The following UBAP2 variants were observed in gnomAD, a reference collection of about 807,000 sequenced individuals.
The protein encoded by UBAP2 is ubiquitin associated protein 2.
A neutral mutation model predicts 139.6 loss-of-function variants in UBAP2; 75 were observed. The observed-to-expected ratio is 0.54, with a 90% CI of 0.45 to 0.65. The LOEUF is 0.65. Among genes scored for constraint, UBAP2 ranks in the 30% least tolerant of loss-of-function variants. The probability of loss-of-function intolerance (pLI) is 0.00; values close to 1 mark genes in which losing one functional copy is unlikely to be tolerated. For missense variants in UBAP2, 1,368 were observed against 1,369.6 expected (o/e 1.00, Z 0.02); for synonymous variants, 526 against 526.2 (o/e 1.00, Z 0.01).
At chr9:34,048,135 G>A (rs887501682) in intron 1 of UBAP2, among the ~76,000 whole-genome samples, 2 of 152,178 alleles carry the variant, frequency 1.3e-5, no homozygotes, top group East Asian at 3.9e-4. Context: ...GCAAACAACT[G>A]AGTTGTAATG....
At chr9:33,971,296 A>C (rs993557661) in intron 8 of UBAP2, among the ~76,000 whole-genome samples, 1 of 152,212 alleles carries the variant, frequency 6.6e-6, no homozygotes, top group Non-Finnish European at 1.5e-5. Flanking sequence ...TGGCCAAAGA[A>C]TCCACCATTA....
At chr9:33,969,805 G>A (rs1197781252) in intron 8 of UBAP2, among the ~76,000 whole-genome samples, 2 of 149,968 alleles carry the variant, frequency 1.3e-5, no homozygotes, top group African/African-American at 4.9e-5. Context: ...GGTGGAGGTT[G>A]CAGTGAGCCA....
intron 13 of UBAP2, among the ~76,000 whole-genome samples, chr9:33,944,941 TTTA>T (rs1825541483): frequency 6.6e-6 from 1 of 152,076 alleles, no homozygotes; most frequent in African/African-American, 2.4e-5. Context: ...GAATCATACT[TTTA>T]TTATTTTATG....
chr9:33,955,658 C>G (rs996817369), intron 11 of UBAP2, among the ~76,000 whole-genome samples: 1 of 151,820 alleles, frequency 6.6e-6, no homozygotes, highest in African/African-American at 2.4e-5. Context: ...GAAAAACTGT[C>G]TCTACTAAAA....
chr9:33,923,330 G>C (rs951927597), intron 25 of UBAP2, 37 bp from the exon 26 acceptor site: 4 of 1,613,924 alleles, frequency 2.5e-6, no homozygotes, highest in Non-Finnish European at 3.4e-6. Flanking sequence ...GTGTGAGCCA[G>C]GCAAGCCTGT....
intron 1 of UBAP2, among the ~76,000 whole-genome samples, chr9:34,030,595 G>C (rs373366366): frequency 6.6e-6 from 1 of 151,622 alleles, no homozygotes; most frequent in South Asian, 2.1e-4. Context: ...TGCACTCCTA[G>C]TACAGTGCCC....
chr9:34,002,964 A>AGGCATAAACCACAGT (rs1190831446), intron 2 of UBAP2, among the ~76,000 whole-genome samples: 3 of 152,188 alleles, frequency 2.0e-5, no homozygotes, highest in African/African-American at 7.2e-5. Context: ...CTAGGATTAC[A>AGGCATAAACCACAGT]GGCATAAACC....
intron 4 of UBAP2, among the ~76,000 whole-genome samples, chr9:33,993,897 T>TA (rs139592812): frequency 7.4e-5 from 1 of 13,424 alleles, no homozygotes; most frequent in African/African-American, 1.2e-4. Context: ...CTTTGCTTTC[T>TA]TTTTTTTTTT....
intron 16 of UBAP2, among the ~76,000 whole-genome samples, chr9:33,940,177 G>A (rs1241176802): frequency 6.6e-6 from 1 of 152,066 alleles, no homozygotes; most frequent in Non-Finnish European, 1.5e-5. Context: ...GATTTAATAT[G>A]GGAACCACCA....
chr9:34,024,809 C>CG (rs1825269764), intron 1 of UBAP2, among the ~76,000 whole-genome samples: 1 of 152,010 alleles, frequency 6.6e-6, no homozygotes, highest in Admixed American at 6.6e-5. Context: ...CATGGCGAAA[C>CG]CCTGTCTCTA....
At chr9:33,946,231 T>C (rs1413410553) in intron 13 of UBAP2, among the ~76,000 whole-genome samples, 6 of 152,218 alleles carry the variant, frequency 3.9e-5, no homozygotes, top group Non-Finnish European at 5.9e-5. Context: ...TTTACTCTTT[T>C]TATATTAAGG....
intron 6 of UBAP2, among the ~76,000 whole-genome samples, chr9:33,980,115 C>T (rs1329340451): frequency 3.3e-5 from 5 of 150,852 alleles, no homozygotes; most frequent in East Asian, 3.9e-4. Context: ...AATCTTCAAG[C>T]AAAGCTGGCA....
chr9:34,009,693 C>G (rs1186014417), intron 2 of UBAP2, among the ~76,000 whole-genome samples: 3 of 152,142 alleles, frequency 2.0e-5, no homozygotes, highest in African/African-American at 7.2e-5. Flanking sequence ...CTCCTGGACT[C>G]AAGCAATCCT....
At chr9:33,955,503 G>A (rs1224510620) in intron 11 of UBAP2, among the ~76,000 whole-genome samples, 1 of 146,168 alleles carries the variant, frequency 6.8e-6, no homozygotes, top group Admixed American at 6.8e-5. Flanking sequence ...CTAGGCGACA[G>A]AGTGAGACTC....
chr9:33,979,115 G>C (rs1820413728), intron 6 of UBAP2, among the ~76,000 whole-genome samples: 1 of 152,110 alleles, frequency 6.6e-6, no homozygotes, highest in Admixed American at 6.5e-5. Flanking sequence ...TGCACCTGCA[G>C]TCCTATCTAC....
chr9:34,002,945 C>T (rs1381813566), intron 2 of UBAP2, among the ~76,000 whole-genome samples: 1 of 152,192 alleles, frequency 6.6e-6, no homozygotes, highest in Non-Finnish European at 1.5e-5. Context: ...TGCTCAGCCT[C>T]CCAAAGCGCT....
rs1435160693 is a variant in UBAP2, at chr9:33,948,424, G to T, written c.1220C>A (p.Ser407Tyr). Residue 407 changes from serine (S) to tyrosine (Y), a missense_variant, in exon 13 of 29, where the codon TCT (serine) becomes TAT (tyrosine). Ser to Tyr is a moderately radical substitution (Grantham distance 144, BLOSUM62 -2). Coordinates refer to ENST00000379238, the MANE Select transcript of UBAP2 (RefSeq NM_001370062.2). ...NSTSHPTTTT[S>Y]WDLKPPTSQS... ...GGATGTTGGGGGCTTGAGGTCCCAA[G>T]AAGTAGTAGTTGTAGGGTGACTTGT... is the stretch of plus-strand genomic sequence containing the variant. 4 of 1,613,792 alleles carry T rather than the reference G, an allele frequency of 2.5e-6. No homozygotes were observed. Among genetic ancestry groups the T allele is most frequent in the Non-Finnish European group, 3.4e-6 (4 of 1,179,858 alleles).
intron 1 of UBAP2, among the ~76,000 whole-genome samples, chr9:34,036,037 T>A (rs528884026): frequency 1.3e-5 from 2 of 152,034 alleles, no homozygotes; most frequent in East Asian, 3.9e-4. Context: ...AACAGCAAAT[T>A]CTAATAAAAC....
At chr9:34,042,750 A>G (rs930114181) in intron 1 of UBAP2, among the ~76,000 whole-genome samples, 3 of 151,818 alleles carry the variant, frequency 2.0e-5, no homozygotes, top group Admixed American at 1.3e-4. Context: ...GTAATGTCCT[A>G]TTTCTTGGTT....
Sources: allele counts gnomAD v4.1 joint callset (sites outside exome capture counted in the v4.1 genomes callset), GRCh38; gene constraint gnomAD v4.1.1; transcripts MANE v1.5; gene names NCBI Gene and HGNC (gene_info 2026-07-23, HGNC 2026-07-21).